Variants in SLC36A1 observed in about 807,000 individuals in gnomAD.
SLC36A1 encodes the protein solute carrier family 36 member 1.
SLC36A1 carries 30 observed loss-of-function variants against 47.5 expected under a neutral mutation model. That is an observed-to-expected ratio of 0.63 (90% confidence interval 0.47 to 0.86). The LOEUF (loss-of-function observed/expected upper bound fraction) is 0.86. Ranked by LOEUF, SLC36A1 falls within the 40% of genes least tolerant of loss-of-function variation. SLC36A1 has a pLI of 0.00. For missense variants in SLC36A1, 517 were observed against 606.0 expected, an observed-to-expected ratio of 0.85 and a Z score of 1.54; for synonymous variants, 255 against 249.7, an observed-to-expected ratio of 1.02 and a Z score of -0.20.
chr5:151,543,732 C>G, the SLC36A1 span: 95 of 1,614,056 alleles, frequency 5.9e-5, no homozygotes, highest in Non-Finnish European at 7.7e-5. Flanking sequence ...TGTACACAGG[C>G]ACAGTTGCTC....
chr5:151,548,336 TATA>T, the SLC36A1 span, among the ~76,000 whole-genome samples: 1 of 151,804 alleles, frequency 6.6e-6, no homozygotes, highest in Non-Finnish European at 1.5e-5. Flanking sequence ...AATTATGTAT[TATA>T]ATTATTACAA....
intron 10 of SLC36A1, 78 bp downstream of exon 10, chr5:151,479,567 A>G: frequency 6.5e-7 from 1 of 1,532,634 alleles, no homozygotes; most frequent in Non-Finnish European, 8.9e-7. Flanking sequence ...GAGAAAAGAC[A>G]ATGTGTGTTG....
chr5:151,521,913 G>A, the SLC36A1 span: 1 of 1,613,890 alleles, frequency 6.2e-7, no homozygotes, highest in Non-Finnish European at 8.5e-7. Context: ...GCGTGTCCTG[G>A]GGGTCTCGGT....
At chr5:151,506,727 A>G in the SLC36A1 span, among the ~76,000 whole-genome samples, 1 of 152,244 alleles carries the variant, frequency 6.6e-6, no homozygotes, top group Non-Finnish European at 1.5e-5. Context: ...GCCAAAGATG[A>G]GAAGAAGGTG....
At chr5:151,436,365 AC>A (rs1759778047), upstream of SLC36A1, among the ~76,000 whole-genome samples, 1 of 152,092 alleles carries the variant, frequency 6.6e-6, no homozygotes, top group Admixed American at 6.5e-5. Context: ...TCTAGCCTCT[AC>A]AGTACTGAAA....
chr5:151,440,126 G>A (rs1752537659), intron 1 of SLC36A1, among the ~76,000 whole-genome samples: 1 of 152,098 alleles, frequency 6.6e-6, no homozygotes, highest in African/African-American at 2.4e-5. Flanking sequence ...AAAGTAGGTA[G>A]GCCTTTTGTA....
chr5:151,420,342 G>T, the SLC36A1 span, among the ~76,000 whole-genome samples: 1 of 152,136 alleles, frequency 6.6e-6, no homozygotes, highest in Non-Finnish European at 1.5e-5. Flanking sequence ...GGGTCACTTT[G>T]GCCCATGGCG....
the SLC36A1 span, among the ~76,000 whole-genome samples, chr5:151,549,928 A>T: frequency 6.6e-6 from 1 of 152,240 alleles, no homozygotes; most frequent in African/African-American, 2.4e-5. Flanking sequence ...AATACGTATT[A>T]TATGCCCAGA....
At chr5:151,421,174 C>CTTTCCTTCCTTCCT in the SLC36A1 span, among the ~76,000 whole-genome samples, 1 of 138,804 alleles carries the variant, frequency 7.2e-6, no homozygotes, top group South Asian at 2.5e-4. Flanking sequence ...CGCCCTTTCT[C>CTTTCCTTCCTTCCT]TCCTTCCTTC....
chr5:151,394,211 T>G, the SLC36A1 span, among the ~76,000 whole-genome samples: 1 of 152,260 alleles, frequency 6.6e-6, no homozygotes, highest in Non-Finnish European at 1.5e-5. Flanking sequence ...CTGAAGCTTG[T>G]GCATTCATCA....
chr5:151,428,160 G>T, the SLC36A1 span, among the ~76,000 whole-genome samples: 5 of 152,144 alleles, frequency 3.3e-5, no homozygotes, highest in African/African-American at 1.2e-4. Context: ...CTTTCTAATG[G>T]CTATGTAAGC....
At chr5:151,474,677 C>T (rs1757802156) in intron 8 of SLC36A1, among the ~76,000 whole-genome samples, 1 of 152,172 alleles carries the variant, frequency 6.6e-6, no homozygotes, top group Non-Finnish European at 1.5e-5. Flanking sequence ...TGCAAAAGAG[C>T]AGCCTTCACT....
chr5:151,480,517 C>A (rs942825558), intron 10 of SLC36A1, among the ~76,000 whole-genome samples: 3 of 152,152 alleles, frequency 2.0e-5, no homozygotes, highest in African/African-American at 7.2e-5. Flanking sequence ...TCTCCTAGAC[C>A]AGCCTATATA....
At chr5:151,458,683 A>C in intron 1 of SLC36A1, 105 bp from the exon 2 acceptor site, 1 of 1,250,872 alleles carries the variant, frequency 8.0e-7, no homozygotes, top group Non-Finnish European at 1.1e-6. Flanking sequence ...GAGCTGTCAC[A>C]GTGAGCAACT....
chr5:151,515,817 C>T, the SLC36A1 span, among the ~76,000 whole-genome samples: 1 of 152,176 alleles, frequency 6.6e-6, no homozygotes, highest in Non-Finnish European at 1.5e-5. Flanking sequence ...TCTCTAAAGT[C>T]GATTCTCAAC....
chr5:151,375,038 G>T, the SLC36A1 span, among the ~76,000 whole-genome samples: 11 of 149,912 alleles, frequency 7.3e-5, no homozygotes, highest in African/African-American at 2.4e-4. Flanking sequence ...TTATTATTTT[G>T]CTGTGCAGCA....
At chr5:151,504,806 G>A in the SLC36A1 span, 1 of 152,696 alleles carries the variant, frequency 6.5e-6, no homozygotes, top group Non-Finnish European at 1.5e-5. Context: ...GTTCAGAGCT[G>A]TGTAGACTCC....
chr5:151,435,356 C>G (rs1275345072), upstream of SLC36A1, among the ~76,000 whole-genome samples: 1 of 152,032 alleles, frequency 6.6e-6, no homozygotes, highest in Non-Finnish European at 1.5e-5. Flanking sequence ...AAGACATTTT[C>G]AAACAAAAGA....
the SLC36A1 span, chr5:151,531,889 C>T: frequency 1.9e-6 from 3 of 1,614,142 alleles, no homozygotes; most frequent in Non-Finnish European, 2.5e-6. This position sits in a 1 kb window ranked among gnomAD's most constrained non-coding sequence, Gnocchi z 5.7. Context: ...CTTTTCCAGG[C>T]GGATCACCCC....
Sources: gnomAD v4.1 joint callset for allele counts (sites outside exome capture counted in the v4.1 genomes callset) on GRCh38, gnomAD v4.1.1 for gene constraint, Gnocchi (gnomAD v3.1) non-coding constraint, MANE v1.5 for transcripts, NCBI Gene and HGNC (gene_info 2026-07-23, HGNC 2026-07-21) for gene names.